JAK2: variants seen among roughly 807,000 people sequenced by gnomAD.
JAK2 encodes the protein Janus kinase 2.
JAK2 carries 86 observed loss-of-function variants against 139.3 expected under a neutral mutation model. The observed-to-expected ratio is 0.62, with a 90% confidence interval of 0.52 to 0.74. The LOEUF (loss-of-function observed/expected upper bound fraction) is 0.74. Among genes scored for constraint, JAK2 ranks in the 30% least tolerant of loss-of-function variants. The probability of loss-of-function intolerance (pLI) is 0.00; values close to 1 mark genes in which losing one functional copy is unlikely to be tolerated. For synonymous variants in JAK2, 490 were observed against 437.7 expected, an observed-to-expected ratio of 1.12 and a Z score of -1.49; for missense variants, 1,421 against 1,360.3, an observed-to-expected ratio of 1.04 and a Z score of -0.70.
chr9:5,126,034 A>T (rs528383418), intron 23 of JAK2: 1 of 207,328 alleles, frequency 4.8e-6, no homozygotes, highest in African/African-American at 2.3e-5. Context: ...TAATATGATA[A>T]AAATATGAGT....
chr9:5,055,932 T>C, intron 8 of JAK2, 144 bp downstream of exon 8: 1 of 672,656 alleles, frequency 1.5e-6, no homozygotes, highest in Non-Finnish European at 2.4e-6. Context: ...TTCAGTAAAC[T>C]TTTTGATAAC....
At chr9:5,038,574 C>G (rs1030828077) in intron 4 of JAK2, among the ~76,000 whole-genome samples, 1 of 148,348 alleles carries the variant, frequency 6.7e-6, no homozygotes, top group African/African-American at 2.5e-5. Flanking sequence ...ATGCTTGGGA[C>G]CAGAAGTGTT....
intron 2 of JAK2, among the ~76,000 whole-genome samples, chr9:4,987,971 T>C (rs1490372551): frequency 6.6e-6 from 1 of 152,142 alleles, no homozygotes; most frequent in Non-Finnish European, 1.5e-5. Context: ...CTTTCTAGTA[T>C]AAAGAGATAA....
In JAK2 at chr9:5,085,321, A is replaced by T. The variant is rs571925127; in HGVS notation, c.2571+3460A>T. 48 of 774,088 alleles carry T rather than the reference A, an allele frequency of 6.2e-5. No homozygotes were observed. In the Admixed American group the frequency reaches 8.2e-4, roughly 13 times the overall value. The allele number at this position is 774,088 out of a possible 1,614,324, so 48.0% of individuals were successfully genotyped here. On this transcript the variant is annotated intron_variant, in intron 19 of 24. Transcript: ENST00000381652. ...TGAGGTGAAGTCGAATACATCATCT[A>T]TTAGCTGAAAAGCTATTCCTACATT...
intron 3 of JAK2, among the ~76,000 whole-genome samples, chr9:5,025,453 A>G (rs886715682): frequency 6.8e-6 from 1 of 148,116 alleles, no homozygotes; most frequent in Non-Finnish European, 1.5e-5. Context: ...TTATTTTGTT[A>G]TTCTTCTTCC....
Position 5,042,226 on chromosome 9 carries a change from C to T in JAK2, c.351-2177C>T, listed in dbSNP as rs898852252. 8.6e-5 allele frequency among the ~76,000 whole-genome samples: 13 copies of T among 151,124 alleles called. No individual in the cohort carries two copies. The East Asian group carries it at 1.4e-3, about 16-fold the overall frequency. On this transcript the variant is annotated intron_variant, in intron 4 of 24. Transcript: ENST00000381652. Reference sequence around the variant, plus strand: ...AATCTCGGCTCACTGCAAGCTCCGCCTCCCGGGTTCCCGCCATTCTCCTGC... The same window carrying T: ...AATCTCGGCTCACTGCAAGCTCCGCTTCCCGGGTTCCCGCCATTCTCCTGC...
intron 22 of JAK2, among the ~76,000 whole-genome samples, chr9:5,119,160 C>G (rs912144311): frequency 6.6e-6 from 1 of 152,132 alleles, no homozygotes; most frequent in African/African-American, 2.4e-5. Context: ...CTTCATACAA[C>G]CCATTTGGTA....
intron 2 of JAK2, among the ~76,000 whole-genome samples, chr9:5,004,845 T>G (rs960883183): frequency 2.6e-5 from 4 of 152,016 alleles, no homozygotes; most frequent in African/African-American, 9.7e-5. Flanking sequence ...AGGTGAGATC[T>G]CACTATGGTT....
At chr9:5,094,056 C>G (rs966181147) in intron 22 of JAK2, 1 of 152,160 alleles carries the variant, frequency 6.6e-6, no homozygotes, top group Non-Finnish European at 1.5e-5. Flanking sequence ...TAGCATAAAA[C>G]GTAAAACTTT....
intron 4 of JAK2, among the ~76,000 whole-genome samples, chr9:5,033,998 C>T (rs948004666): frequency 6.6e-6 from 1 of 152,146 alleles, no homozygotes; most frequent in South Asian, 2.1e-4. Flanking sequence ...GGAAACCCAT[C>T]TCACGTGCAG....
intron 22 of JAK2, chr9:5,112,727 A>T (rs1822727394): frequency 3.9e-6 from 3 of 759,936 alleles, no homozygotes; most frequent in Non-Finnish European, 3.9e-6. Context: ...CCTGAATCCC[A>T]AAACAGCCTG....
At chr9:5,032,786 A>C (rs1264352626) in intron 4 of JAK2, among the ~76,000 whole-genome samples, 1 of 152,236 alleles carries the variant, frequency 6.6e-6, no homozygotes, top group Non-Finnish European at 1.5e-5. Context: ...TAAAACCACA[A>C]AGATGGGGAA....
intron 3 of JAK2, among the ~76,000 whole-genome samples, chr9:5,025,327 C>T (rs1183911463): frequency 2.6e-5 from 4 of 152,080 alleles, no homozygotes; most frequent in Admixed American, 6.5e-5. Context: ...TTTCTCTGTT[C>T]GCTCTTGGTC....
At chr9:5,091,009 C>T in intron 22 of JAK2, 98 bp downstream of exon 22, 1 of 910,392 alleles carries the variant, frequency 1.1e-6, no homozygotes, top group Non-Finnish European at 1.6e-6. Context: ...TTTACAGTAA[C>T]AGTGAACATT....
chr9:5,121,637 G>C (rs908841289), intron 22 of JAK2, among the ~76,000 whole-genome samples: 5 of 152,116 alleles, frequency 3.3e-5, no homozygotes, highest in Admixed American at 2.6e-4. Context: ...ACTGGCAAGA[G>C]GCTTTGAAGC....
intron 22 of JAK2, among the ~76,000 whole-genome samples, chr9:5,103,703 T>G (rs1032586026): frequency 2.6e-5 from 4 of 151,786 alleles, no homozygotes; most frequent in African/African-American, 9.7e-5. Flanking sequence ...AGAACAGATA[T>G]CACAACAAAC....
intron 22 of JAK2, chr9:5,111,641 TGCCCCTCGTCCCTCCCGCCCAGCAGCG>T: frequency 2.6e-6 from 1 of 380,020 alleles, no homozygotes; most frequent in Non-Finnish European, 5.1e-6. Context: ...CGGGGGCTCA[TGCCCCTCGTCCCTCCCGCCCAGCAGCG>T]GCCCTGTGGG....
In JAK2 at chr9:5,123,184, G is replaced by A. The variant is rs563956610; in HGVS notation, c.3177+63G>A. Reference sequence around the variant, plus strand: ...GTTCGTTTGATTTTTATAAATTTATGGGGTACAAGTACAATTTTGCTACAT... The same window carrying A: ...GTTCGTTTGATTTTTATAAATTTATAGGGTACAAGTACAATTTTGCTACAT... On this transcript the variant is annotated intron_variant, in intron 23 of 24. Coordinates refer to ENST00000381652, the MANE Select transcript of JAK2 (RefSeq NM_004972.4). 60 of 1,142,484 alleles carry A rather than the reference G, an allele frequency of 5.3e-5. No individual in the cohort carries two copies. In the African/African-American group the frequency reaches 8.1e-4, roughly 15 times the overall value. 70.8% of individuals were successfully genotyped at this position (1,142,484 alleles called of 1,614,324 possible). A position where few individuals can be genotyped will look rare whatever the true frequency, so the allele number is the denominator to read the frequency against.
Position 5,041,498 on chromosome 9 carries a change from C to A in JAK2, c.351-2905C>A, listed in dbSNP as rs534539272. 1.5e-5 allele frequency: 9 copies of A among 582,642 alleles called. No individual in the cohort carries two copies. The East Asian group carries it at 3.8e-4, about 24-fold the overall frequency. 36.1% of individuals were successfully genotyped at this position (582,642 alleles called of 1,614,324 possible). On this transcript the variant is annotated intron_variant, in intron 4 of 24. Coordinates refer to ENST00000381652, the MANE Select transcript of JAK2 (RefSeq NM_004972.4). ...CACGATCATGAGCGGTACAGAAGAT[C>A]GGGGACACATAGCGCGCCACGCCCA...
Sources: gnomAD v4.1 joint callset for allele counts (sites outside exome capture counted in the v4.1 genomes callset) on GRCh38, gnomAD v4.1.1 for gene constraint, MANE v1.5 for transcripts, NCBI Gene and HGNC (gene_info 2026-07-23, HGNC 2026-07-21) for gene names.